The following PSG11 variants were observed in gnomAD, a reference collection of about 807,000 sequenced individuals.
PSG11 encodes the protein pregnancy-specific beta-1-glycoprotein 11.
A neutral mutation model predicts 36.0 loss-of-function variants in PSG11; 42 were observed. The ratio of observed to expected loss-of-function variants is 1.17; its 90% CI spans 0.91 to 1.51. The LOEUF (loss-of-function observed/expected upper bound fraction) is 1.51. Among genes scored for constraint, PSG11 ranks in the 40% most tolerant of loss-of-function variants. The pLI, the probability that PSG11 is intolerant of heterozygous loss-of-function variation, is 0.00. For synonymous variants in PSG11, 206 were observed against 153.5 expected (o/e 1.34, Z -2.53); for missense variants, 558 against 403.5 (o/e 1.38, Z -3.28).
At chr19:43,019,741 G>A (rs1224123826) in intron 2 of PSG11, 1 of 152,576 alleles carries the variant, frequency 6.6e-6, no homozygotes, top group Non-Finnish European at 1.5e-5. Flanking sequence ...ACAGGCAAGA[G>A]CTGATAGCTT....
chr19:43,013,480 C>T (rs1966884719), intron 4 of PSG11, among the ~76,000 whole-genome samples: 1 of 151,288 alleles, frequency 6.6e-6, no homozygotes, highest in Admixed American at 6.6e-5. Context: ...AAGGAAGGAA[C>T]ACAAATATCC....
At position 43,025,062 on chromosome 19, in the gene PSG11, A is replaced by C; in HGVS notation, c.65-6T>G. 1.2e-5 allele frequency: 19 copies of C among 1,606,942 alleles called. No individual in the cohort carries two copies. The highest frequency in any genetic ancestry group is 1.4e-5 in the Non-Finnish European group (16 of 1,176,388). On this transcript the variant is annotated splice_polypyrimidine_tract_variant and splice_region_variant and intron_variant, in intron 1 of 5. Coordinates refer to ENST00000320078, the MANE Select transcript of PSG11 (RefSeq NM_002785.3). The stretch of plus-strand genomic sequence containing the variant: ...CCAGAAGTTTAAAAGTAATGCTAGG[A>C]GGTGGAGAGAGCATCAGTCAATATT...
chr19:43,025,443 T>C (rs1599683965), intron 1 of PSG11: 1 of 223,982 alleles, frequency 4.5e-6, no homozygotes, highest in East Asian at 1.0e-4. Context: ...GGGTCTTCCC[T>C]TTCTGACCTT....
rs916275641 is a variant in PSG11 at position 43,020,011 on chromosome 19, T to G, written c.431-963A>C. ...CATTAGACATTCTACCCTCTGATTC[T>G]GAGTTTGACTACTCTATGTACCTGA... On this transcript the variant is annotated intron_variant, in intron 2 of 5. Coordinates refer to ENST00000320078, the MANE Select transcript of PSG11 (RefSeq NM_002785.3). Among the ~76,000 whole-genome samples the G allele has an allele frequency of 2.0e-5, 3 of 151,298 alleles. 1 individual carries two copies. The highest frequency in any genetic ancestry group is 7.3e-5 in the African/African-American group (3 of 40,988).
chr19:43,008,125 G>A, intron 5 of PSG11, 83 bp from the exon 6 acceptor site: 1 of 316,342 alleles, frequency 3.2e-6, no homozygotes, highest in Non-Finnish European at 6.1e-6. Flanking sequence ...GAATGACAAA[G>A]ATTTAAAATG....
Position 43,007,684 on chromosome 19 carries a change from T to G in PSG11, c.*399A>C, listed in dbSNP as rs1224475492. ...ACTTGTGCAAATAACTTTATTACCATAAACATATGAATATTCATGAATAGA... is the reference window on the plus strand; with the variant it reads ...ACTTGTGCAAATAACTTTATTACCAGAAACATATGAATATTCATGAATAGA... On this transcript the variant is annotated 3_prime_UTR_variant, in exon 6 of 6. Coordinates refer to ENST00000320078, the MANE Select transcript of PSG11 (RefSeq NM_002785.3). 1 of 168,440 alleles carries G rather than the reference T, an allele frequency of 5.9e-6. No individual in the cohort carries two copies. 10.4% of individuals were successfully genotyped at this position (168,440 alleles called of 1,614,324 possible).
At chr19:43,014,348 C>T in intron 4 of PSG11, 1 of 920,274 alleles carries the variant, frequency 1.1e-6, no homozygotes, top group Non-Finnish European at 1.3e-6. Context: ...GGTGAATCTT[C>T]CTATTTCTCC....
chr19:43,018,646 C>T lies in PSG11; in HGVS notation c.709+124G>A, dbSNP rs1967025204. The T allele has an allele frequency of 3.1e-6, 5 of 1,593,762 alleles. No individual in the cohort carries two copies. In the African/African-American group the frequency reaches 6.8e-5, roughly 22 times the overall value. ...GTTTGTCTGGGGCAGAAAGTCATGG[C>T]CAGCTTTGATGTCCAGTGGTAAAGG... On this transcript the variant is annotated intron_variant, in intron 3 of 5. Transcript: ENST00000320078.
chr19:43,025,817 A>G (rs755669122), intron 1 of PSG11, among the ~76,000 whole-genome samples: 2 of 146,202 alleles, frequency 1.4e-5, no homozygotes, highest in Non-Finnish European at 3.0e-5. Context: ...CCTGTTTCCT[A>G]CCTCTTACCA....
At chr19:43,009,797 G>A (rs989874427) in intron 5 of PSG11, among the ~76,000 whole-genome samples, 161 bp downstream of exon 5, 1 of 151,322 alleles carries the variant, frequency 6.6e-6, no homozygotes, top group African/African-American at 2.4e-5. Context: ...GGAGCATAAA[G>A]GCCAGGGAGA....
At chr19:43,024,585 A>G in intron 2 of PSG11, 106 bp downstream of exon 2, 1 of 1,583,832 alleles carries the variant, frequency 6.3e-7, no homozygotes, top group Non-Finnish European at 8.6e-7. Context: ...CATGGGACAT[A>G]ATGCAGAGAG....
rs776232469 is a variant in PSG11, at chr19:43,011,439, T to G, written c.965-1398A>C. On this transcript the variant is annotated intron_variant, in intron 4 of 5. Coordinates refer to ENST00000320078, the MANE Select transcript of PSG11 (RefSeq NM_002785.3). ...CAGTGAATGAGGGAAATAATAAGGA[T>G]TAGAGTTGATATAAATAAAATGGAG... is the stretch of plus-strand genomic sequence containing the variant. Among the ~76,000 whole-genome samples, 4 of 150,794 alleles carry G rather than the reference T, an allele frequency of 2.7e-5. 1 individual carries two copies. The highest frequency in any genetic ancestry group is 4.4e-5 in the Non-Finnish European group (3 of 67,718).
Position 43,019,055 on chromosome 19 carries a change from A to G in PSG11, c.431-7T>C, listed in dbSNP as rs936364744. 8.7e-6 allele frequency: 14 copies of G among 1,609,192 alleles called. No individual in the cohort carries two copies. The African/African-American group carries it at 1.5e-4, about 17-fold the overall frequency. ...GAGGGCTTGGGAGTCTCCACTGTGC[A>G]GAAAACAGAGAGAAGATTGCCCTGT... On this transcript the variant is annotated splice_region_variant and splice_polypyrimidine_tract_variant and intron_variant, in intron 2 of 5. Transcript: ENST00000320078.
Position 43,018,957 on chromosome 19 carries a change from C to T in PSG11, c.522G>A (p.Pro174=), listed in dbSNP as rs143079058. 4.7e-5 allele frequency: 76 copies of T among 1,612,100 alleles called. 1 individual carries two copies. The Admixed American group carries it at 5.0e-4, about 11-fold the overall frequency. Residue 174 remains proline, a synonymous_variant, in exon 3 of 6, where the codon CCG becomes CCA. Coordinates refer to ENST00000320078, the MANE Select transcript of PSG11 (RefSeq NM_002785.3). The stretch of plus-strand genomic sequence containing the variant: ...TCATCCACCACAGGTAGCTTGCGTC[C>T]GGAGTCTCAGGATTACAGGTTAAGA... ...TVILTCNPET[P]DASYLWWMNG...
At chr19:43,018,520 A>T (rs1463580873) in intron 3 of PSG11, 1 of 878,356 alleles carries the variant, frequency 1.1e-6, no homozygotes, top group African/African-American at 1.7e-5. Flanking sequence ...GGAGCCTGAG[A>T]CATTCACCTG....
At chr19:43,023,366 T>C (rs1792503063) in intron 2 of PSG11, among the ~76,000 whole-genome samples, 1 of 150,848 alleles carries the variant, frequency 6.6e-6, no homozygotes, top group African/African-American at 2.5e-5. Context: ...CCTGTGCTGG[T>C]GTAGGGAGTG....
rs1434810479 is a variant in PSG11 at position 43,012,604 on chromosome 19, A to T, written c.964+2512T>A. Reference sequence around the variant, plus strand: ...CAAAGAGGTGAAATGATTATACCTGAAATCTGCAAAATATTGCTGAAAGAA... The same window carrying T: ...CAAAGAGGTGAAATGATTATACCTGTAATCTGCAAAATATTGCTGAAAGAA... On this transcript the variant is annotated intron_variant, in intron 4 of 5. Coordinates refer to ENST00000320078, the MANE Select transcript of PSG11 (RefSeq NM_002785.3). Among the ~76,000 whole-genome samples the T allele has an allele frequency of 5.9e-5, 9 of 151,376 alleles. 2 individuals are homozygous for T. The highest frequency in any genetic ancestry group is 1.3e-4 in the Non-Finnish European group (9 of 67,888).
At chr19:43,022,810 A>C (rs1280599691) in intron 2 of PSG11, among the ~76,000 whole-genome samples, 5 of 150,450 alleles carry the variant, frequency 3.3e-5, no homozygotes, top group Non-Finnish European at 7.4e-5. Flanking sequence ...AGGAGTGGCA[A>C]CTCCAGGTGA....
intron 2 of PSG11, among the ~76,000 whole-genome samples, chr19:43,023,365 G>T (rs1202456801): frequency 2.0e-5 from 3 of 150,878 alleles, no homozygotes; most frequent in Non-Finnish European, 4.4e-5. Context: ...GCCTGTGCTG[G>T]TGTAGGGAGT....
Sources: allele counts gnomAD v4.1 joint callset (sites outside exome capture counted in the v4.1 genomes callset), GRCh38; gene constraint gnomAD v4.1.1; transcripts MANE v1.5; gene names NCBI Gene and HGNC (gene_info 2026-07-23, HGNC 2026-07-21).